The following DCBLD1 variants were observed in gnomAD, a reference collection of about 807,000 sequenced individuals.
DCBLD1 encodes the protein discoidin, CUB and LCCL domain-containing protein 1.
DCBLD1 carries 57 observed loss-of-function variants against 71.5 expected under a neutral mutation model. That is an observed-to-expected ratio of 0.80 (90% CI 0.64 to 0.99). DCBLD1 has a LOEUF of 0.99. Ranked by LOEUF, DCBLD1 falls within the 50% of genes least tolerant of loss-of-function variation. The pLI is 0.00. For missense variants in DCBLD1, 891 were observed against 923.5 expected (o/e 0.96, Z 0.46); for synonymous variants, 380 against 363.8 (o/e 1.04, Z -0.51).
chr6:117,526,838 G>A lies in DCBLD1; in HGVS notation c.585+1404G>A, dbSNP rs555047497. 5.3e-5 allele frequency among the ~76,000 whole-genome samples: 8 copies of A among 152,262 alleles called. No individual in the cohort carries two copies. In the East Asian group the frequency reaches 9.6e-4, roughly 18 times the overall value. ...ACCATAAACTTAGAGGCTTAAAGTG[G>A]CACATATTTATTATCTCATTTTCTG... On this transcript the variant is annotated intron_variant, in intron 5 of 14. Transcript: ENST00000338728.
At chr6:117,528,336 A>C (rs77887849) in intron 5 of DCBLD1, among the ~76,000 whole-genome samples, 4,660 of 152,332 alleles carry the variant, frequency 0.031, 238 homozygotes, top group African/African-American at 0.1. Flanking sequence ...GGAAAGGGGA[A>C]TATATTTGAT....
At chr6:117,539,804 C>G (rs1217488410) in intron 9 of DCBLD1, 1 of 154,276 alleles carries the variant, frequency 6.5e-6, no homozygotes, top group African/African-American at 2.4e-5. Flanking sequence ...GTCGCGCTGG[C>G]TCACGCATAT....
intron 5 of DCBLD1, among the ~76,000 whole-genome samples, chr6:117,531,128 C>T (rs1336719470): frequency 6.6e-6 from 1 of 152,142 alleles, no homozygotes; most frequent in South Asian, 2.1e-4. Context: ...TATGATTTGT[C>T]TCATTAGTCC....
intron 1 of DCBLD1, among the ~76,000 whole-genome samples, chr6:117,486,377 G>C (rs920637572): frequency 1.3e-5 from 2 of 152,174 alleles, no homozygotes; most frequent in African/African-American, 4.8e-5. Flanking sequence ...AGAGCAATTA[G>C]TTGTTTTTCT....
chr6:117,562,851 A>T (rs1562135116), intron 14 of DCBLD1: 1 of 217,920 alleles, frequency 4.6e-6, no homozygotes, highest in East Asian at 6.9e-5. Context: ...ACATTCTAGA[A>T]TATAAAATAT....
chr6:117,557,522 A>G (rs1779509910), intron 14 of DCBLD1, among the ~76,000 whole-genome samples: 1 of 152,184 alleles, frequency 6.6e-6, no homozygotes, highest in South Asian at 2.1e-4. Context: ...TAATCCCAGC[A>G]CTTTGGGAGG....
Position 117,519,898 on chromosome 6 carries a change from C to T in DCBLD1, c.408C>T (p.Ser136=). 1.2e-6 allele frequency: 2 copies of T among 1,614,084 alleles called. No individual in the cohort carries two copies. The highest frequency in any genetic ancestry group is 2.2e-5 in the South Asian group (2 of 91,074). ...SEVTVRFESG[S]HISGRGFLLT... Reference sequence around the variant, plus strand: ...TAACCGTCCGCTTTGAGAGTGGATCCCACATTTCTGGCCGGGGTTTTTTGC... The same window carrying T: ...TAACCGTCCGCTTTGAGAGTGGATCTCACATTTCTGGCCGGGGTTTTTTGC... The change falls in exon 3 of 15, where the codon TCC becomes TCT. Residue 136 remains serine, a synonymous_variant. Coordinates refer to ENST00000338728, the MANE Select transcript of DCBLD1 (RefSeq NM_001366458.2).
chr6:117,563,472 A>T (rs1276222100), intron 14 of DCBLD1: 1 of 1,323,012 alleles, frequency 7.6e-7, no homozygotes, highest in Middle Eastern at 2.0e-4. Flanking sequence ...CTGTAATCCC[A>T]GCACTTTGAG....
At chr6:117,523,582 T>G (rs372183738) in intron 4 of DCBLD1, among the ~76,000 whole-genome samples, 1 of 152,224 alleles carries the variant, frequency 6.6e-6, no homozygotes, top group Non-Finnish European at 1.5e-5. Flanking sequence ...GAAATACAGC[T>G]GATTCTAAGG....
intron 1 of DCBLD1, among the ~76,000 whole-genome samples, chr6:117,494,359 G>T (rs1777401183): frequency 6.6e-6 from 1 of 152,122 alleles, no homozygotes; most frequent in African/African-American, 2.4e-5. Context: ...CTGAATATTG[G>T]CAGTATGCAT....
rs747479671 is a variant in DCBLD1, at chr6:117,537,238, C to G, written c.760+13C>G. On this transcript the variant is annotated intron_variant, in intron 7 of 14. Coordinates refer to ENST00000338728, the MANE Select transcript of DCBLD1 (RefSeq NM_001366458.2). ...TTTACCTCCAATGGTAAGGATCATG[C>G]TTTCCTTAAGAATTTGATATTTTCG... is the stretch of plus-strand genomic sequence containing the variant. 3.1e-6 allele frequency: 5 copies of G among 1,613,358 alleles called. No homozygotes were observed. In the African/African-American group the frequency reaches 6.7e-5, roughly 22 times the overall value.
Position 117,535,788 on chromosome 6 carries a change from A to T in DCBLD1, c.720-1397A>T, listed in dbSNP as rs891580889. ...AACGTTAGAGAAAATGGAAAAAGAG[A>T]CAAAAGAGAGGCTCCACATAAATCT... On this transcript the variant is annotated intron_variant, in intron 6 of 14. Transcript: ENST00000338728. Among the ~76,000 whole-genome samples, 3 of 152,210 alleles carry T rather than the reference A, an allele frequency of 2.0e-5. No individual in the cohort carries two copies. The East Asian group carries it at 5.8e-4, about 29-fold the overall frequency.
chr6:117,542,256 C>T (rs945990020), intron 11 of DCBLD1, among the ~76,000 whole-genome samples: 4 of 150,992 alleles, frequency 2.6e-5, no homozygotes, highest in Non-Finnish European at 5.9e-5. Flanking sequence ...CACACCACTG[C>T]ACTCCAGCCT....
chr6:117,559,252 G>C (rs1033878516), intron 14 of DCBLD1, among the ~76,000 whole-genome samples: 2 of 152,196 alleles, frequency 1.3e-5, no homozygotes, highest in African/African-American at 4.8e-5. Flanking sequence ...TAACGGCAAT[G>C]CCAGTGAGGA....
At chr6:117,553,646 T>C (rs949352559), downstream of DCBLD1, among the ~76,000 whole-genome samples, 1 of 152,228 alleles carries the variant, frequency 6.6e-6, no homozygotes, top group African/African-American at 2.4e-5. Flanking sequence ...TTTTAGTCAG[T>C]TATATAGGTA....
Position 117,549,375 on chromosome 6 carries a change from T to G in DCBLD1, c.*936T>G. 9.1e-6 allele frequency: 9 copies of G among 985,446 alleles called. No homozygotes were observed. The highest frequency in any genetic ancestry group is 1.1e-5 in the Non-Finnish European group (9 of 829,938). The allele number at this position is 985,446 out of a possible 1,614,324, so 61.0% of individuals were successfully genotyped here. The stretch of plus-strand genomic sequence containing the variant: ...ATTCTGACCAAGTCTAAATCGAGCT[T>G]TTCTACTGACATGAAACTGTTGGAA... On this transcript the variant is annotated 3_prime_UTR_variant, in exon 15 of 15. Transcript: ENST00000338728.
intron 14 of DCBLD1, 48 bp from the exon 15 acceptor site, chr6:117,547,855 AGGCC>A: frequency 6.5e-7 from 1 of 1,549,968 alleles, no homozygotes; most frequent in Non-Finnish European, 8.7e-7. Context: ...TGCCACTGAC[AGGCC>A]GGCCCGTGTG....
At chr6:117,531,526 G>T (rs959378737) in intron 5 of DCBLD1, among the ~76,000 whole-genome samples, 2 of 152,326 alleles carry the variant, frequency 1.3e-5, no homozygotes, top group Admixed American at 6.5e-5. Flanking sequence ...TGTCAGAACA[G>T]CCAGCAGCCT....
chr6:117,526,742 C>T (rs768519950), intron 5 of DCBLD1, among the ~76,000 whole-genome samples: 1 of 152,150 alleles, frequency 6.6e-6, no homozygotes. Flanking sequence ...TCAAAGAACT[C>T]GGATTAGTGC....
Sources: gnomAD v4.1 joint callset for allele counts (sites outside exome capture counted in the v4.1 genomes callset) on GRCh38, gnomAD v4.1.1 for gene constraint, MANE v1.5 for transcripts, NCBI Gene and HGNC (gene_info 2026-07-23, HGNC 2026-07-21) for gene names.